Variants in PEPD observed in about 807,000 individuals in gnomAD.
PEPD encodes the protein peptidase D.
Under a neutral mutation model 60.7 loss-of-function variants are expected in PEPD, and 53 were observed. That is an observed-to-expected ratio of 0.87 (90% CI 0.70 to 1.10). PEPD has a LOEUF of 1.10. Among genes scored for constraint, PEPD ranks in the 50% least tolerant of loss-of-function variants. The pLI, the probability that PEPD is intolerant of heterozygous loss-of-function variation, is 0.00. For synonymous variants in PEPD, 267 were observed against 284.1 expected (o/e 0.94, Z 0.60); for missense variants, 711 against 711.9 (o/e 1.00, Z 0.01).
At chr19:33,501,780 G>A (rs551514316) in intron 3 of PEPD, among the ~76,000 whole-genome samples, 43 of 152,160 alleles carry the variant, frequency 2.8e-4, no homozygotes, top group African/African-American at 1.0e-3. Context: ...ATAGCTCACT[G>A]CAGCCTCAAA....
chr19:33,469,486 CTTCTTGGAGCGCGCAGCAGCCAGCAGAT>C (rs1467871018), intron 7 of PEPD, among the ~76,000 whole-genome samples: 13 of 152,210 alleles, frequency 8.5e-5, no homozygotes, highest in Non-Finnish European at 1.6e-4. Context: ...TCCACTCCTA[CTTCTTGGAGCGCGCAGCAGCCAGCAGAT>C]GGGTCCACTC....
intron 2 of PEPD, 53 bp downstream of exon 2, chr19:33,512,540 G>T: frequency 6.4e-7 from 1 of 1,563,112 alleles, no homozygotes; most frequent in Non-Finnish European, 8.8e-7. Flanking sequence ...TCCTGCTCAG[G>T]ACAGCAGCAC....
At position 33,476,656 on chromosome 19, in the gene PEPD, T is replaced by C. The variant is rs937185143; in HGVS notation, c.548+1390A>G. The stretch of plus-strand genomic sequence containing the variant: ...GTCTCTAGTCTGAGGCCAAAATGAT[T>C]TCTTATTTTTTATTTTATTTTTTTT... On this transcript the variant is annotated intron_variant, in intron 7 of 14. Transcript: ENST00000244137. Among the ~76,000 whole-genome samples the C allele has an allele frequency of 1.3e-4, 20 of 152,040 alleles. 1 individual carries two copies. The highest frequency in any genetic ancestry group is 3.1e-4 in the African/African-American group (13 of 41,390).
At chr19:33,397,033 C>T (rs1247075129) in intron 12 of PEPD, among the ~76,000 whole-genome samples, 2 of 152,164 alleles carry the variant, frequency 1.3e-5, no homozygotes, top group Non-Finnish European at 2.9e-5. Context: ...AACACAGGAG[C>T]CGCGCTGAGC....
chr19:33,391,519 G>A, intron 12 of PEPD, 40 bp from the exon 13 acceptor site: 4 of 1,522,544 alleles, frequency 2.6e-6, no homozygotes, highest in African/African-American at 1.4e-5. Flanking sequence ...ACAGAGCCCA[G>A]CAGCCAACAC....
chr19:33,388,509 T>C, intron 13 of PEPD: 2 of 302,270 alleles, frequency 6.6e-6, no homozygotes, highest in African/African-American at 2.1e-5. Context: ...ACAGCTTTCC[T>C]TCCAGGCAGC....
At chr19:33,499,324 C>T (rs367689684) in intron 4 of PEPD, among the ~76,000 whole-genome samples, 99 of 152,272 alleles carry the variant, frequency 6.5e-4, no homozygotes, top group African/African-American at 2.4e-3. Context: ...GACAGGCCCC[C>T]GTGGCCCTGT....
intron 3 of PEPD, among the ~76,000 whole-genome samples, chr19:33,506,920 G>A (rs1970824959): frequency 1.7e-5 from 2 of 120,864 alleles, no homozygotes; most frequent in African/African-American, 3.2e-5. Context: ...CACAGCACAT[G>A]CCCCCCCCAC....
rs1386692263 is a variant in PEPD at position 33,399,352 on chromosome 19, C to A, written c.967+2369G>T. On this transcript the variant is annotated intron_variant, in intron 12 of 14. Coordinates refer to ENST00000244137, the MANE Select transcript of PEPD (RefSeq NM_000285.4). The stretch of plus-strand genomic sequence containing the variant: ...TCGGCAGCTGCTAAACCAGGTGAGT[C>A]CGATCAGCGCTGTCACCCCATCACA... Among the ~76,000 whole-genome samples, 3 of 152,226 alleles carry A rather than the reference C, an allele frequency of 2.0e-5. No individual in the cohort carries two copies. The East Asian group carries it at 5.8e-4, about 29-fold the overall frequency.
intron 1 of PEPD, among the ~76,000 whole-genome samples, chr19:33,516,508 G>C (rs926714891): frequency 1.7e-4 from 26 of 152,122 alleles, no homozygotes; most frequent in African/African-American, 6.3e-4. Flanking sequence ...CCAGGACCAA[G>C]AACGGAGTGA....
At chr19:33,508,726 C>T (rs1970862421) in intron 3 of PEPD, among the ~76,000 whole-genome samples, 1 of 152,238 alleles carries the variant, frequency 6.6e-6, no homozygotes, top group African/African-American at 2.4e-5. Context: ...ACAGTCTAGC[C>T]TCAGACGTCA....
At chr19:33,482,800 C>T (rs570161265) in intron 6 of PEPD, among the ~76,000 whole-genome samples, 27 of 152,058 alleles carry the variant, frequency 1.8e-4, no homozygotes, top group Non-Finnish European at 2.5e-4. Context: ...AAATGTGGTA[C>T]GTATCCATAG....
At chr19:33,493,512 G>T in intron 4 of PEPD, 175 bp from the exon 5 acceptor site, 1 of 692,132 alleles carries the variant, frequency 1.4e-6, no homozygotes, top group South Asian at 1.5e-5. Flanking sequence ...CCTGGTTGAA[G>T]GACTTCTGAA....
chr19:33,512,295 TCA>T (rs1378868913), intron 2 of PEPD, among the ~76,000 whole-genome samples: 13 of 152,196 alleles, frequency 8.5e-5, no homozygotes. Context: ...GCTCAGAGCC[TCA>T]CAGTCTTCCT....
chr19:33,481,740 A>T (rs748720248), intron 6 of PEPD, among the ~76,000 whole-genome samples: 14 of 152,122 alleles, frequency 9.2e-5, no homozygotes, highest in Admixed American at 3.3e-4. Context: ...AACTCTTACC[A>T]GAAAAGGGCC....
At chr19:33,439,409 C>T (rs1969442145) in intron 9 of PEPD, among the ~76,000 whole-genome samples, 1 of 152,244 alleles carries the variant, frequency 6.6e-6, no homozygotes. Flanking sequence ...AGGGGCCAGA[C>T]CTCAGGCATA....
intron 9 of PEPD, among the ~76,000 whole-genome samples, chr19:33,449,084 C>T (rs766871056): frequency 2.6e-5 from 4 of 152,214 alleles, no homozygotes; most frequent in Admixed American, 6.5e-5. Context: ...ACAGGGGCCT[C>T]GGGGGAAGGC....
intron 12 of PEPD, among the ~76,000 whole-genome samples, chr19:33,392,681 G>GCCTTGGC (rs753013926): frequency 6.6e-6 from 1 of 152,232 alleles, no homozygotes; most frequent in South Asian, 2.1e-4. Flanking sequence ...TGCCAGGCTT[G>GCCTTGGC]CCTTGGCGCA....
intron 7 of PEPD, 57 bp from the exon 8 acceptor site, chr19:33,464,119 G>T: frequency 7.8e-7 from 1 of 1,290,234 alleles, no homozygotes. Context: ...GCACTGGCTG[G>T]ACCCCTCCAG....
Sources: gnomAD v4.1 joint callset for allele counts (sites outside exome capture counted in the v4.1 genomes callset) on GRCh38, gnomAD v4.1.1 for gene constraint, MANE v1.5 for transcripts, NCBI Gene and HGNC (gene_info 2026-07-23, HGNC 2026-07-21) for gene names.